The following RORA variants were observed in gnomAD, a reference collection of about 807,000 sequenced individuals.
RORA encodes the protein RAR related orphan receptor A.
In RORA, 7 loss-of-function variants were observed where a neutral mutation model predicts 69.5. The ratio of observed to expected loss-of-function variants is 0.10; its 90% CI spans 0.06 to 0.19. RORA has a LOEUF of 0.19. RORA is among the 10% of genes least tolerant of loss of function. The pLI, the probability that RORA is intolerant of heterozygous loss-of-function variation, is 1.00. For missense variants in RORA, 457 were observed against 663.0 expected (o/e 0.69, Z 3.41); for synonymous variants, 261 against 240.8 (o/e 1.08, Z -0.78).
chr15:60,801,840 T>G (rs1297628663), intron 1 of RORA, among the ~76,000 whole-genome samples: 1 of 152,306 alleles, frequency 6.6e-6, no homozygotes, highest in Admixed American at 6.5e-5. Flanking sequence ...TGGTATAAAA[T>G]TTGTTAATAT....
Position 60,905,707 on chromosome 15 carries a change from T to C in RORA, c.167-227021A>G, listed in dbSNP as rs1235584076. ...TTAAACAGAGCACTTGTGATTGCCA[T>C]TGCTTCTGTTTAAGAGATCCAAGCA... On this transcript the variant is annotated intron_variant, in intron 1 of 10. Transcript: ENST00000335670. This position sits in a 1 kb window ranked among gnomAD's most constrained non-coding sequence, Gnocchi z 4.8. Among the ~76,000 whole-genome samples, 4 of 152,210 alleles carry C rather than the reference T, an allele frequency of 2.6e-5. No individual in the cohort carries two copies. The highest frequency in any genetic ancestry group is 5.9e-5 in the Non-Finnish European group (4 of 68,034).
intron 1 of RORA, among the ~76,000 whole-genome samples, chr15:61,116,857 G>T (rs997029576): frequency 1.3e-5 from 2 of 152,044 alleles, no homozygotes; most frequent in African/African-American, 4.8e-5. Flanking sequence ...CTAACTTCTC[G>T]TGTGATCAGT....
intron 1 of RORA, among the ~76,000 whole-genome samples, chr15:61,010,014 A>G (rs1895038624): frequency 6.6e-6 from 1 of 152,120 alleles, no homozygotes; most frequent in Admixed American, 6.5e-5. Flanking sequence ...TTTGCCCCCA[A>G]CTGTACTGCT....
intron 1 of RORA, among the ~76,000 whole-genome samples, chr15:60,708,858 G>A (rs1213989686): frequency 6.6e-6 from 1 of 152,196 alleles, no homozygotes; most frequent in African/African-American, 2.4e-5. Flanking sequence ...GCATCCAGGG[G>A]TCAGGGTGAA....
intron 1 of RORA, among the ~76,000 whole-genome samples, chr15:60,807,239 C>CAT (rs1207207130): frequency 6.6e-6 from 1 of 152,150 alleles, no homozygotes; most frequent in Non-Finnish European, 1.5e-5. Context: ...TTAATGTACA[C>CAT]ATATCAGTAG....
chr15:60,822,002 T>C (rs1195619592), intron 1 of RORA, among the ~76,000 whole-genome samples: 1 of 134,704 alleles, frequency 7.4e-6, no homozygotes, highest in Admixed American at 7.4e-5. Context: ...AGTAGCAGTA[T>C]TCACAGAAGC....
chr15:61,082,210 C>T (rs1195252980), intron 1 of RORA, among the ~76,000 whole-genome samples: 3 of 152,188 alleles, frequency 2.0e-5, no homozygotes, highest in Admixed American at 2.0e-4. Context: ...GGTATTTGGC[C>T]GGGCGCAGTG....
chr15:61,090,558 C>A (rs2078690548), intron 1 of RORA, among the ~76,000 whole-genome samples: 1 of 152,136 alleles, frequency 6.6e-6, no homozygotes, highest in Non-Finnish European at 1.5e-5. Flanking sequence ...CATTTAGTCA[C>A]CCATGTAAAG....
At chr15:60,968,248 T>A (rs1446682453) in intron 1 of RORA, among the ~76,000 whole-genome samples, 4 of 152,172 alleles carry the variant, frequency 2.6e-5, no homozygotes, top group Non-Finnish European at 5.9e-5. Flanking sequence ...GAGCTGACTC[T>A]GGAAGGGCAC....
intron 1 of RORA, among the ~76,000 whole-genome samples, chr15:60,942,438 C>A (rs765211222): frequency 6.6e-6 from 1 of 152,120 alleles, no homozygotes; most frequent in Non-Finnish European, 1.5e-5. Context: ...ATTCATAAGG[C>A]GAATTATGTG....
At chr15:60,778,997 A>C (rs982626536) in intron 1 of RORA, among the ~76,000 whole-genome samples, 4 of 152,124 alleles carry the variant, frequency 2.6e-5, no homozygotes, top group African/African-American at 9.7e-5. Context: ...TTTCAAGTTC[A>C]AAGTGGATTG....
chr15:60,717,920 C>A (rs2071241665), intron 1 of RORA, among the ~76,000 whole-genome samples: 1 of 151,184 alleles, frequency 6.6e-6, no homozygotes, highest in Non-Finnish European at 1.5e-5. Flanking sequence ...CTGCCTCAGC[C>A]TCCTGAGTAG....
chr15:61,035,652 G>T (rs1260929893), intron 1 of RORA, among the ~76,000 whole-genome samples: 2 of 152,166 alleles, frequency 1.3e-5, no homozygotes, highest in African/African-American at 4.8e-5. Context: ...TAAGCTGAAT[G>T]ATAGGTGTCT....
intron 2 of RORA, among the ~76,000 whole-genome samples, chr15:60,639,605 A>T (rs1198267537): frequency 6.6e-6 from 1 of 152,196 alleles, no homozygotes; most frequent in African/African-American, 2.4e-5. Flanking sequence ...CTGTAAAAAA[A>T]ATTGAGCTGG....
intron 2 of RORA, among the ~76,000 whole-genome samples, chr15:60,547,385 G>C (rs189136418): frequency 4.0e-5 from 6 of 149,882 alleles, no homozygotes; most frequent in Non-Finnish European, 7.4e-5. Flanking sequence ...GTGCAGCGGC[G>C]TGATCTCGGC....
chr15:60,846,879 G>A (rs1163995355), intron 1 of RORA, among the ~76,000 whole-genome samples: 1 of 152,138 alleles, frequency 6.6e-6, no homozygotes, highest in Non-Finnish European at 1.5e-5. Context: ...AAACCACCAT[G>A]ACCTAAATGT....
At chr15:60,825,678 G>A (rs985297799) in intron 1 of RORA, among the ~76,000 whole-genome samples, 1 of 152,188 alleles carries the variant, frequency 6.6e-6, no homozygotes. Context: ...CCGAAGAACA[G>A]CGAACTGGTA....
intron 1 of RORA, among the ~76,000 whole-genome samples, chr15:60,895,144 A>G (rs1050947483): frequency 2.6e-5 from 4 of 152,200 alleles, no homozygotes; most frequent in Non-Finnish European, 5.9e-5. Context: ...GCTCAAGTCA[A>G]AGAATCTGCT....
chr15:60,819,475 G>A (rs2072859664), intron 1 of RORA, among the ~76,000 whole-genome samples: 1 of 152,128 alleles, frequency 6.6e-6, no homozygotes. Context: ...CCTTTGTAAA[G>A]GGAAGGGAGA....
Sources: allele counts gnomAD v4.1 joint callset (sites outside exome capture counted in the v4.1 genomes callset), GRCh38; gene constraint gnomAD v4.1.1; non-coding constraint Gnocchi (gnomAD v3.1); transcripts MANE v1.5; gene names NCBI Gene and HGNC (gene_info 2026-07-23, HGNC 2026-07-21).